The following ADK variants were observed in gnomAD, a reference collection of about 807,000 sequenced individuals.
ADK encodes the protein N6,N6-dimethyladenosine kinase.
ADK carries 24 observed loss-of-function variants against 44.7 expected under a neutral mutation model. That is an observed-to-expected ratio of 0.54 (90% CI 0.39 to 0.76). ADK has a LOEUF of 0.76. Among genes scored for constraint, ADK ranks in the 30% least tolerant of loss-of-function variants. The probability of loss-of-function intolerance (pLI) is 0.00; values close to 1 mark genes in which losing one functional copy is unlikely to be tolerated. For synonymous variants in ADK, 128 were observed against 142.6 expected (o/e 0.90, Z 0.73); for missense variants, 321 against 425.1 (o/e 0.76, Z 2.15).
At chr10:74,435,690 A>G (rs555292762) in intron 6 of ADK, among the ~76,000 whole-genome samples, 1 of 152,328 alleles carries the variant, frequency 6.6e-6, no homozygotes, top group African/African-American at 2.4e-5. Flanking sequence ...TCAGCAAATC[A>G]CAACAGGGGA....
In ADK at chr10:74,314,734, A is replaced by C. The variant is rs1314933832; in HGVS notation, c.262A>C (p.Lys88Gln). The change falls in exon 4 of 11, where the codon AAA becomes CAA. Residue 88 changes from lysine to glutamine, a missense_variant. Transcript: ENST00000539909. ...HAGGSTQNSIKVAQWMIQQPH... is the reference protein window; with the variant it reads ...HAGGSTQNSIQVAQWMIQQPH... ...TGGTGGCTCTACCCAGAATTCAATTAAAGTGGCTCAGGTTGGTTAATTATT... is the reference window on the plus strand; with the variant it reads ...TGGTGGCTCTACCCAGAATTCAATTCAAGTGGCTCAGGTTGGTTAATTATT... 9.3e-6 allele frequency: 15 copies of C among 1,610,956 alleles called. No homozygotes were observed. Among genetic ancestry groups the C allele is most frequent in the Admixed American group, 5.0e-5 (3 of 59,966 alleles).
chr10:74,469,320 T>C (rs1392997019), intron 6 of ADK, among the ~76,000 whole-genome samples: 1 of 152,150 alleles, frequency 6.6e-6, no homozygotes, highest in Non-Finnish European at 1.5e-5. Context: ...GCCTGGGTGA[T>C]AGAGTGAGCC....
chr10:74,177,280 T>C (rs1023605136), intron 1 of ADK, among the ~76,000 whole-genome samples: 3 of 152,074 alleles, frequency 2.0e-5, no homozygotes, highest in Non-Finnish European at 2.9e-5. Context: ...CAGAACTTCA[T>C]TGTTGGCCGG....
chr10:74,289,563 T>C (rs1343313394), intron 3 of ADK, among the ~76,000 whole-genome samples: 5 of 152,196 alleles, frequency 3.3e-5, no homozygotes, highest in Non-Finnish European at 7.3e-5. Context: ...TATGTTTTTG[T>C]TGAAAAATTG....
At chr10:74,599,044 G>A (rs1462994728) in intron 8 of ADK, among the ~76,000 whole-genome samples, 1 of 152,138 alleles carries the variant, frequency 6.6e-6, no homozygotes, top group African/African-American at 2.4e-5. Context: ...GCTGTTACTA[G>A]TCATTTCTAA....
At chr10:74,315,495 C>T (rs1009974356) in intron 4 of ADK, among the ~76,000 whole-genome samples, 8 of 152,164 alleles carry the variant, frequency 5.3e-5, no homozygotes, top group Non-Finnish European at 1.2e-4. Flanking sequence ...AGTTAGTGAT[C>T]TGTTTAATCT....
chr10:74,276,737 AAGTGGTGTTTACCTGTTTAATCTC>A (rs540235773), intron 3 of ADK, among the ~76,000 whole-genome samples: 195 of 151,852 alleles, frequency 1.3e-3, no homozygotes, highest in African/African-American at 4.3e-3. Flanking sequence ...GCTTTTTGGG[AAGTGGTGTTTACCTGTTTAATCTC>A]AGTGGTGTTT....
chr10:74,387,895 T>C (rs79116390), intron 4 of ADK, among the ~76,000 whole-genome samples: 2 of 152,184 alleles, frequency 1.3e-5, no homozygotes, highest in South Asian at 2.1e-4. Flanking sequence ...AATTTCTTTT[T>C]ATTTCTTTTT....
intron 6 of ADK, among the ~76,000 whole-genome samples, chr10:74,506,786 C>A: frequency 6.6e-6 from 1 of 152,118 alleles, no homozygotes; most frequent in Non-Finnish European, 1.5e-5. Flanking sequence ...TTTTATAATA[C>A]ATTTTTATAG....
At chr10:74,273,349 G>A (rs1846515217) in intron 3 of ADK, among the ~76,000 whole-genome samples, 1 of 152,140 alleles carries the variant, frequency 6.6e-6, no homozygotes, top group Non-Finnish European at 1.5e-5. Flanking sequence ...TCTGACAGGT[G>A]ATATACCACC....
intron 6 of ADK, among the ~76,000 whole-genome samples, chr10:74,458,119 CTTTTTTTTTTTT>C (rs1172945144): frequency 1.3e-4 from 10 of 74,480 alleles, no homozygotes; most frequent in Non-Finnish European, 2.1e-4. Context: ...TGCATTAAAA[CTTTTTTTTTTTT>C]TTTTTTTTTT....
intron 3 of ADK, among the ~76,000 whole-genome samples, chr10:74,225,094 T>A (rs1844482153): frequency 6.6e-6 from 1 of 152,224 alleles, no homozygotes; most frequent in Non-Finnish European, 1.5e-5. Flanking sequence ...ATTTTATTTT[T>A]ATTTTTTTGA....
intron 7 of ADK, among the ~76,000 whole-genome samples, chr10:74,576,164 G>C (rs1441617106): frequency 6.6e-6 from 1 of 152,092 alleles, no homozygotes; most frequent in African/African-American, 2.4e-5. Context: ...TAGCAAATAA[G>C]ATAAGCAACA....
At chr10:74,554,303 T>C (rs910608497) in intron 7 of ADK, among the ~76,000 whole-genome samples, 2 of 152,208 alleles carry the variant, frequency 1.3e-5, no homozygotes, top group African/African-American at 4.8e-5. Context: ...CATTTGAAGA[T>C]CCTGCCAATC....
chr10:74,472,041 A>G (rs536139923), intron 6 of ADK, among the ~76,000 whole-genome samples: 25 of 152,186 alleles, frequency 1.6e-4, no homozygotes, highest in African/African-American at 6.0e-4. Context: ...CTCTGGATAC[A>G]ACTTCCAGCA....
chr10:74,391,652 TACAC>T (rs71475280), intron 4 of ADK, among the ~76,000 whole-genome samples: 1,229 of 74,254 alleles, frequency 0.017, 19 homozygotes, highest in African/African-American at 0.032. Flanking sequence ...GGCAAGAATA[TACAC>T]ACACACACAC....
chr10:74,624,938 T>TA (rs960152289), intron 9 of ADK, among the ~76,000 whole-genome samples: 6 of 151,774 alleles, frequency 4.0e-5, no homozygotes, highest in Non-Finnish European at 5.9e-5. Context: ...ATATAGAACT[T>TA]AAAAAAAACA....
intron 3 of ADK, among the ~76,000 whole-genome samples, chr10:74,301,935 CAA>C (rs1180459950): frequency 2.0e-5 from 3 of 151,914 alleles, no homozygotes; most frequent in African/African-American, 7.3e-5. Flanking sequence ...TGAAGTGTTA[CAA>C]AAGAGATTCA....
intron 9 of ADK, among the ~76,000 whole-genome samples, chr10:74,662,862 T>C (rs1466757014): frequency 6.6e-6 from 1 of 152,168 alleles, no homozygotes; most frequent in Non-Finnish European, 1.5e-5. Context: ...GTAATACCTA[T>C]GTAAATTAAC....
Sources: gnomAD v4.1 joint callset for allele counts (sites outside exome capture counted in the v4.1 genomes callset) on GRCh38, gnomAD v4.1.1 for gene constraint, MANE v1.5 for transcripts, NCBI Gene and HGNC (gene_info 2026-07-23, HGNC 2026-07-21) for gene names.